The following RAVER2 variants were observed in gnomAD, a reference collection of about 807,000 sequenced individuals.
RAVER2 encodes ribonucleoprotein PTB-binding 2.
Under a neutral mutation model 78.1 loss-of-function variants are expected in RAVER2, and 46 were observed. The ratio of observed to expected loss-of-function variants is 0.59; its 90% CI spans 0.46 to 0.75. The LOEUF is 0.75. RAVER2 is among the 30% of genes least tolerant of loss of function. The pLI is 0.00. For missense variants in RAVER2, 793 were observed against 837.5 expected (o/e 0.95, Z 0.66); for synonymous variants, 311 against 313.3 (o/e 0.99, Z 0.08).
intron 5 of RAVER2, among the ~76,000 whole-genome samples, chr1:64,799,878 AAG>A (rs1240753471): frequency 3.3e-5 from 5 of 152,180 alleles, no homozygotes; most frequent in African/African-American, 1.2e-4. Context: ...CCAGCAGTGT[AAG>A]AGAGTTCCCT....
At chr1:64,748,933 G>A (rs1290170664) in intron 1 of RAVER2, among the ~76,000 whole-genome samples, 3 of 152,154 alleles carry the variant, frequency 2.0e-5, no homozygotes, top group Non-Finnish European at 4.4e-5. Context: ...GACCTTCCAG[G>A]CTGAAGCGAT....
intron 5 of RAVER2, among the ~76,000 whole-genome samples, chr1:64,799,137 C>T (rs1402271291): frequency 6.6e-6 from 1 of 152,200 alleles, no homozygotes; most frequent in Non-Finnish European, 1.5e-5. Flanking sequence ...CCTTCAACTT[C>T]TATGAGCTCA....
chr1:64,781,143 TTAAAA>T (rs1219923682), intron 3 of RAVER2, among the ~76,000 whole-genome samples: 1 of 152,168 alleles, frequency 6.6e-6, no homozygotes, highest in Non-Finnish European at 1.5e-5. Flanking sequence ...GCTTTTACTG[TTAAAA>T]TAAATTAGAA....
At chr1:64,764,870 T>A (rs1040120105) in intron 1 of RAVER2, among the ~76,000 whole-genome samples, 1 of 152,232 alleles carries the variant, frequency 6.6e-6, no homozygotes, top group Non-Finnish European at 1.5e-5. Flanking sequence ...CAACATTATA[T>A]AAGATAATCT....
At position 64,796,535 on chromosome 1, in the gene RAVER2, T is replaced by C. The variant is rs111319129; in HGVS notation, c.1106-6441T>C. ...AAGGAAATTGTCTATTTTGTGTAAG[T>C]TATCAAATTTATTGGCATAACATTG... On this transcript the variant is annotated intron_variant, in intron 5 of 11. Transcript: ENST00000294428. Among the ~76,000 whole-genome samples, 20 of 152,244 alleles carry C rather than the reference T, an allele frequency of 1.3e-4. 1 individual carries two copies. The highest frequency in any genetic ancestry group is 4.3e-4 in the African/African-American group (18 of 41,586).
At chr1:64,803,045 T>C (rs1041290898) in exon 6 of RAVER2, 13 of 1,596,846 alleles carry the variant, frequency 8.1e-6, no homozygotes, top group African/African-American at 1.3e-5. Context: ...TTTTTACATT[T>C]GAATAAAGCA....
chr1:64,797,051 C>G (rs1381183009), intron 5 of RAVER2, among the ~76,000 whole-genome samples: 1 of 152,026 alleles, frequency 6.6e-6, no homozygotes, highest in Non-Finnish European at 1.5e-5. Flanking sequence ...TAATTTAATT[C>G]ACTTATAGAC....
At chr1:64,759,656 A>T (rs988536468) in intron 1 of RAVER2, among the ~76,000 whole-genome samples, 20 of 151,376 alleles carry the variant, frequency 1.3e-4, no homozygotes, top group African/African-American at 4.9e-4. Context: ...AGCTGGGACT[A>T]CAGGCGCCCG....
chr1:64,767,540 C>T (rs1462494754), intron 1 of RAVER2, among the ~76,000 whole-genome samples: 1 of 151,962 alleles, frequency 6.6e-6, no homozygotes, highest in Non-Finnish European at 1.5e-5. Context: ...TTTTAGGTTA[C>T]ATACTTAACA....
chr1:64,765,207 A>G (rs1652141531), intron 1 of RAVER2, among the ~76,000 whole-genome samples: 2 of 152,198 alleles, frequency 1.3e-5, no homozygotes, highest in Admixed American at 6.5e-5. Flanking sequence ...GCACTTCCTC[A>G]TAAAGTTGAT....
At position 64,745,131 on chromosome 1, in the gene RAVER2, T is replaced by G; in HGVS notation, c.-42T>G. 1 of 1,014,742 alleles carries G rather than the reference T, an allele frequency of 9.9e-7. No individual in the cohort carries two copies. The highest frequency in any genetic ancestry group is 1.2e-6 in the Non-Finnish European group (1 of 850,430). 62.9% of individuals were successfully genotyped at this position (1,014,742 alleles called of 1,614,324 possible). On this transcript the variant is annotated 5_prime_UTR_variant, in exon 1 of 12. Coordinates refer to ENST00000294428, the Ensembl canonical transcript of RAVER2. This position sits in a 1 kb window ranked among gnomAD's most constrained non-coding sequence, Gnocchi z 4.3. The stretch of plus-strand genomic sequence containing the variant: ...TCCCGCTTTCTCTCTCCGCTTCCCC[T>G]GGAGCCTCCGAGGAGTCCGCAGCCG...
intron 2 of RAVER2, among the ~76,000 whole-genome samples, chr1:64,769,493 C>T (rs1652259493): frequency 6.6e-6 from 1 of 151,996 alleles, no homozygotes; most frequent in Admixed American, 6.6e-5. Context: ...AATTCTTGTT[C>T]TTTTTCTTCT....
chr1:64,755,491 T>A (rs906923068), intron 1 of RAVER2, among the ~76,000 whole-genome samples: 1 of 152,102 alleles, frequency 6.6e-6, no homozygotes, highest in Non-Finnish European at 1.5e-5. Context: ...GTACATGCTT[T>A]CATTGTCTCT....
At chr1:64,772,263 C>T (rs1455464876) in intron 2 of RAVER2, among the ~76,000 whole-genome samples, 1 of 152,004 alleles carries the variant, frequency 6.6e-6, no homozygotes, top group Admixed American at 6.6e-5. Flanking sequence ...ACCTCCTTTC[C>T]CTACTGTCTG....
chr1:64,772,187 T>G (rs555004445), intron 2 of RAVER2, among the ~76,000 whole-genome samples: 1 of 152,202 alleles, frequency 6.6e-6, no homozygotes, highest in Non-Finnish European at 1.5e-5. Context: ...TTTTTTTATT[T>G]TTTATTATTT....
chr1:64,767,609 ACT>A (rs1333539547), intron 1 of RAVER2, among the ~76,000 whole-genome samples: 5 of 152,040 alleles, frequency 3.3e-5, no homozygotes, highest in Non-Finnish European at 7.4e-5. Context: ...GTTGGCTGTA[ACT>A]CTCTAATCTG....
chr1:64,759,208 T>A (rs908749437), intron 1 of RAVER2, among the ~76,000 whole-genome samples: 1 of 151,356 alleles, frequency 6.6e-6, no homozygotes, highest in Non-Finnish European at 1.5e-5. Flanking sequence ...ATTTTTATTT[T>A]TATTTATTTT....
chr1:64,790,728 G>A (rs773765226), intron 5 of RAVER2, among the ~76,000 whole-genome samples: 15 of 152,136 alleles, frequency 9.9e-5, no homozygotes, highest in Non-Finnish European at 1.8e-4. Flanking sequence ...CATATCGCTC[G>A]CTGATAAGGG....
chr1:64,830,116 T>C (rs1654088575), intron 11 of RAVER2, among the ~76,000 whole-genome samples: 1 of 152,122 alleles, frequency 6.6e-6, no homozygotes, highest in African/African-American at 2.4e-5. Flanking sequence ...TAATTCTGCA[T>C]TGATAAAAGC....
Sources: gnomAD v4.1 joint callset for allele counts (sites outside exome capture counted in the v4.1 genomes callset) on GRCh38, gnomAD v4.1.1 for gene constraint, Gnocchi (gnomAD v3.1) non-coding constraint, MANE v1.5 for transcripts, NCBI Gene and HGNC (gene_info 2026-07-23, HGNC 2026-07-21) for gene names.